The following PELI2 variants were observed in gnomAD, a reference collection of about 807,000 sequenced individuals.
The protein encoded by PELI2 is pellino E3 ubiquitin protein ligase family member 2.
Under a neutral mutation model 42.3 loss-of-function variants are expected in PELI2, and 23 were observed. The ratio of observed to expected loss-of-function variants is 0.54; its 90% CI spans 0.39 to 0.77. The LOEUF (loss-of-function observed/expected upper bound fraction) is 0.77, where lower values mean the gene tolerates loss of function less well. Ranked by LOEUF, PELI2 falls within the 30% of genes least tolerant of loss-of-function variation. The probability of loss-of-function intolerance (pLI) is 0.00; values close to 1 mark genes in which losing one functional copy is unlikely to be tolerated. For synonymous variants in PELI2, 245 were observed against 212.2 expected (o/e 1.15, Z -1.34); for missense variants, 463 against 553.2 (o/e 0.84, Z 1.64).
intron 2 of PELI2, among the ~76,000 whole-genome samples, chr14:56,189,221 A>G (rs1348372570): frequency 6.6e-6 from 1 of 152,204 alleles, no homozygotes; most frequent in Non-Finnish European, 1.5e-5. Context: ...TTGTACAGTA[A>G]CAACTCTGAA....
At chr14:56,246,919 T>C (rs1042456416) in intron 2 of PELI2, among the ~76,000 whole-genome samples, 15 of 152,224 alleles carry the variant, frequency 9.9e-5, no homozygotes, top group African/African-American at 3.1e-4. Flanking sequence ...CTTTAAACTA[T>C]ACAGAAATAT....
intron 1 of PELI2, among the ~76,000 whole-genome samples, chr14:56,175,311 C>T (rs1294382068): frequency 6.6e-6 from 1 of 152,188 alleles, no homozygotes; most frequent in African/African-American, 2.4e-5. Context: ...TTCGACAGTT[C>T]AAGCAGTGCT....
At chr14:56,131,628 T>C (rs1332229241) in intron 1 of PELI2, among the ~76,000 whole-genome samples, 1 of 152,226 alleles carries the variant, frequency 6.6e-6, no homozygotes, top group African/African-American at 2.4e-5. Flanking sequence ...TATTGTCTTA[T>C]CATGGTTGCC....
intron 2 of PELI2, among the ~76,000 whole-genome samples, chr14:56,254,258 G>A (rs1290695925): frequency 6.6e-6 from 1 of 152,124 alleles, no homozygotes; most frequent in Admixed American, 6.5e-5. Flanking sequence ...AATTAGCTGG[G>A]CATGGTGGTG....
chr14:56,265,957 A>G (rs1241883323), intron 2 of PELI2, among the ~76,000 whole-genome samples: 2 of 152,078 alleles, frequency 1.3e-5, no homozygotes, highest in Admixed American at 6.5e-5. Flanking sequence ...AGTTGGCAGG[A>G]TTGGATCTAA....
rs573677467 is a variant in PELI2 at position 56,170,031 on chromosome 14, T to C, written c.78-8304T>C. On this transcript the variant is annotated intron_variant, in intron 1 of 5. Coordinates refer to ENST00000267460, the MANE Select transcript of PELI2 (RefSeq NM_021255.3). The stretch of plus-strand genomic sequence containing the variant: ...TCAAGACTGGTGCCAGATTGCAGGG[T>C]TTTCTCAGAGACTGTGTGCCCTGCC... Among the ~76,000 whole-genome samples the C allele has an allele frequency of 2.0e-5, 3 of 152,252 alleles. No individual in the cohort carries two copies. In the South Asian group the frequency reaches 6.2e-4, roughly 32 times the overall value.
chr14:56,133,206 A>G (rs1425693379), intron 1 of PELI2, among the ~76,000 whole-genome samples: 4 of 152,178 alleles, frequency 2.6e-5, no homozygotes, highest in Admixed American at 6.5e-5. Flanking sequence ...TAGCCAACTG[A>G]CTTTCATTTT....
In PELI2 at chr14:56,223,107, C is replaced by T. The variant is rs984612392; in HGVS notation, c.207+44643C>T. Among the ~76,000 whole-genome samples, 17 of 152,264 alleles carry T rather than the reference C, an allele frequency of 1.1e-4. 2 individuals carry two copies. Among genetic ancestry groups the T allele is most frequent in the Admixed American group, 6.5e-4 (10 of 15,300 alleles). ...CAGTGACCCCTGATGCTCGTGCCTC[C>T]GTCCACCTCTACAGCCTGTGGCCAA... On this transcript the variant is annotated intron_variant, in intron 2 of 5. Coordinates refer to ENST00000267460, the MANE Select transcript of PELI2 (RefSeq NM_021255.3).
At chr14:56,244,890 C>A (rs1336312677) in intron 2 of PELI2, among the ~76,000 whole-genome samples, 1 of 152,162 alleles carries the variant, frequency 6.6e-6, no homozygotes, top group African/African-American at 2.4e-5. Flanking sequence ...TCTGTCTCTT[C>A]CTGGTCAATG....
At chr14:56,258,144 A>G (rs549032097) in intron 2 of PELI2, among the ~76,000 whole-genome samples, 73 of 152,332 alleles carry the variant, frequency 4.8e-4, no homozygotes, top group Non-Finnish European at 4.9e-4. Context: ...GTGTCACCTT[A>G]GTAATGAGGA....
At chr14:56,272,757 C>T (rs551346506) in intron 2 of PELI2, among the ~76,000 whole-genome samples, 1 of 152,210 alleles carries the variant, frequency 6.6e-6, no homozygotes, top group Non-Finnish European at 1.5e-5. Context: ...GCTTTAAACA[C>T]AAACAACCTC....
At chr14:56,232,308 A>G (rs1282639945) in intron 2 of PELI2, among the ~76,000 whole-genome samples, 2 of 152,108 alleles carry the variant, frequency 1.3e-5, no homozygotes, top group Admixed American at 6.6e-5. Context: ...CACAACAAAA[A>G]AAGAGAATTT....
At chr14:56,292,916 AT>A (rs1889877644) in intron 5 of PELI2, 3 of 658,180 alleles carry the variant, frequency 4.6e-6, no homozygotes, top group African/African-American at 2.0e-5. Context: ...ATTTAATTAA[AT>A]TATATATGAA....
chr14:56,212,419 G>A (rs1886743150), intron 2 of PELI2, among the ~76,000 whole-genome samples: 1 of 152,190 alleles, frequency 6.6e-6, no homozygotes, highest in Non-Finnish European at 1.5e-5. Context: ...AAGAAGCCCT[G>A]ATGTCGTTGC....
chr14:56,230,478 G>C (rs899578093), intron 2 of PELI2, among the ~76,000 whole-genome samples: 15 of 152,176 alleles, frequency 9.9e-5, no homozygotes, highest in Admixed American at 9.2e-4. Flanking sequence ...TTTCATGCCA[G>C]AATTTCATAT....
intron 3 of PELI2, among the ~76,000 whole-genome samples, chr14:56,280,243 A>G (rs1889432219): frequency 6.6e-6 from 1 of 152,050 alleles, no homozygotes; most frequent in Non-Finnish European, 1.5e-5. Flanking sequence ...AGAGAGAGAA[A>G]GAAAGAAGAT....
intron 1 of PELI2, among the ~76,000 whole-genome samples, chr14:56,154,222 T>G (rs1212622862): frequency 6.6e-6 from 1 of 152,210 alleles, no homozygotes; most frequent in Non-Finnish European, 1.5e-5. Flanking sequence ...TTTACATAAT[T>G]TTTTCATTGG....
At chr14:56,169,581 A>G (rs242404) in intron 1 of PELI2, among the ~76,000 whole-genome samples, 127,200 of 152,218 alleles carry the variant, frequency 0.84, 53,716 homozygotes, top group African/African-American at 0.96. Context: ...GGATGGTGTC[A>G]GTGATTCAGG....
chr14:56,118,653 G>A lies in PELI2; in HGVS notation c.-8G>A, dbSNP rs766515994. The A allele has an allele frequency of 2.1e-6, 3 of 1,412,640 alleles. No homozygotes were observed. The highest frequency in any genetic ancestry group is 5.7e-5 in the Admixed American group (2 of 34,930). The allele number at this position is 1,412,640 out of a possible 1,614,324, so 87.5% of individuals were successfully genotyped here. On this transcript the variant is annotated 5_prime_UTR_variant, in exon 1 of 6. Transcript: ENST00000267460. ...TCGGCGGCGGCGTCGGCGGCCGAGC[G>A]GGGCTCCATGTTTTCCCCTGGCCAG...
Sources: allele counts gnomAD v4.1 joint callset (sites outside exome capture counted in the v4.1 genomes callset), GRCh38; gene constraint gnomAD v4.1.1; transcripts MANE v1.5; gene names NCBI Gene and HGNC (gene_info 2026-07-23, HGNC 2026-07-21).